ADAMTS7: variants seen among roughly 807,000 people sequenced by gnomAD.
The protein encoded by ADAMTS7 is A disintegrin and metalloproteinase with thrombospondin motifs 7.
In ADAMTS7, 89 loss-of-function variants were observed where a neutral mutation model predicts 172.6. The observed-to-expected ratio is 0.52, with a 90% CI of 0.43 to 0.61. ADAMTS7 has a LOEUF of 0.61. Ranked by LOEUF, ADAMTS7 falls within the 20% of genes least tolerant of loss-of-function variation. The pLI is 0.00. For missense variants in ADAMTS7, 1,973 were observed against 2,355.6 expected (o/e 0.84, Z 3.36); for synonymous variants, 885 against 978.4 (o/e 0.90, Z 1.78).
rs760730710 is a variant in ADAMTS7, at chr15:78,771,651, G to A, written c.2310C>T (p.Tyr770=). 1.4e-5 allele frequency: 23 copies of A among 1,602,132 alleles called. No individual in the cohort carries two copies. The highest frequency in any genetic ancestry group is 2.2e-4 in the Middle Eastern group (1 of 4,540). ...GGTTCTCCCAGTTGCCCCTGCGTGCGTATGTGAAGGTGGTCCCTGCCACCT... is the reference window on the plus strand; with the variant it reads ...GGTTCTCCCAGTTGCCCCTGCGTGCATATGTGAAGGTGGTCCCTGCCACCT... ...DYQVAGTTFT[Y]ARRGNWENLT... The change falls in exon 15 of 24, where the codon TAC becomes TAT. Residue 770 remains tyrosine (Y), a synonymous_variant. Transcript: ENST00000388820. The surrounding 1 kb of genome is among the most constrained non-coding windows in gnomAD (Gnocchi z 4.9).
chr15:78,774,926 C>A, intron 11 of ADAMTS7, 133 bp from the exon 12 acceptor site: 1 of 1,174,866 alleles, frequency 8.5e-7, no homozygotes, highest in East Asian at 2.6e-5. Context: ...GCACGCTGCT[C>A]CCCTCCCTTG....
chr15:78,794,378 C>T, intron 4 of ADAMTS7, among the ~76,000 whole-genome samples: 1 of 152,258 alleles, frequency 6.6e-6, no homozygotes, highest in East Asian at 1.9e-4. Flanking sequence ...CTCCACAGTC[C>T]AGGCTTCCTC....
Position 78,800,429 on chromosome 15 carries a change from A to G in ADAMTS7, c.219T>C (p.Ser73=). The G allele has an allele frequency of 6.2e-7, 1 of 1,610,618 alleles. No individual in the cohort carries two copies. Among genetic ancestry groups the G allele is most frequent in the Non-Finnish European group, 8.5e-7 (1 of 1,178,784 alleles). The change falls in exon 2 of 24, where the codon TCT becomes TCC. Residue 73 remains serine (S), a synonymous_variant. Coordinates refer to ENST00000388820, the MANE Select transcript of ADAMTS7 (RefSeq NM_014272.5). ...AGAAGGCGGGCGCGTCTCGGCGCAC[A>G]GATACATCCCGCTTGCGCAGTGCGC... ...WPRALRKRDV[S]VRRDAPAFYE...
At chr15:78,791,602 C>T (rs1317635865) in intron 4 of ADAMTS7, among the ~76,000 whole-genome samples, 2 of 152,202 alleles carry the variant, frequency 1.3e-5, no homozygotes, top group East Asian at 3.9e-4. Flanking sequence ...CTTGGCCTGT[C>T]GCAGGGCCCT....
In ADAMTS7 at chr15:78,766,549, T is replaced by C. The variant is rs577685274; in HGVS notation, c.3362A>G (p.Glu1121Gly). The C allele has an allele frequency of 1.9e-5, 30 of 1,599,778 alleles. No homozygotes were observed. In the South Asian group the frequency reaches 2.9e-4, roughly 16 times the overall value. Residue 1121 changes from glutamate to glycine, a missense_variant, in exon 19 of 24, where the codon GAG becomes GGG. By Grantham distance (98) the Glu-to-Gly change is moderately conservative. Around this residue, in one of 8 missense-constraint regions of ADAMTS7, gnomAD observed 771 missense variants for 952.6 expected, o/e 0.81. Coordinates refer to ENST00000388820, the MANE Select transcript of ADAMTS7 (RefSeq NM_014272.5). The stretch of plus-strand genomic sequence containing the variant: ...GGACCAAGGTCCCAGTACCCCCTCC[T>C]CCTTGGCTGCAGGAGGCTCTGTGGC... ...VPATEPPAAK[E>G]EGVLGPWSPS...
chr15:78,763,424 T>C (rs868818478), intron 22 of ADAMTS7, among the ~76,000 whole-genome samples: 5 of 152,238 alleles, frequency 3.3e-5, no homozygotes, highest in Non-Finnish European at 7.3e-5. Context: ...CTGATGTCCC[T>C]TCGATCCCTG....
chr15:78,792,655 A>C (rs1342937215), intron 4 of ADAMTS7, among the ~76,000 whole-genome samples: 2 of 152,196 alleles, frequency 1.3e-5, no homozygotes, highest in African/African-American at 4.8e-5. Flanking sequence ...TCTACTAAAA[A>C]TACAAAAATT....
chr15:78,781,158 C>T (rs1161570109), intron 8 of ADAMTS7, among the ~76,000 whole-genome samples: 1 of 152,200 alleles, frequency 6.6e-6, no homozygotes, highest in Non-Finnish European at 1.5e-5. Context: ...TCTGCGACGC[C>T]CCCAAGTCCT....
At chr15:78,798,866 C>A (rs2055681212) in intron 2 of ADAMTS7, among the ~76,000 whole-genome samples, 1 of 152,224 alleles carries the variant, frequency 6.6e-6, no homozygotes, top group African/African-American at 2.4e-5. Flanking sequence ...TTGGGTCACA[C>A]AGGACCAGGG....
At chr15:78,796,529 T>G in intron 4 of ADAMTS7, 61 bp downstream of exon 4, 1 of 1,554,694 alleles carries the variant, frequency 6.4e-7, no homozygotes. Context: ...CTGCACCCAC[T>G]CTTTGCACCC....
In ADAMTS7 at chr15:78,773,007, C is replaced by T; in HGVS notation, c.2131+76G>A. Reference sequence around the variant, plus strand: ...TGGGTGGGGGCCACGAGGCCAAGGACAGGGGCCCAGGGGAGATGGGGAAGG... The same window carrying T: ...TGGGTGGGGGCCACGAGGCCAAGGATAGGGGCCCAGGGGAGATGGGGAAGG... On this transcript the variant is annotated intron_variant, in intron 14 of 23. Coordinates refer to ENST00000388820, the MANE Select transcript of ADAMTS7 (RefSeq NM_014272.5). 5 of 1,450,854 alleles carry T rather than the reference C, an allele frequency of 3.4e-6. No individual in the cohort carries two copies. In the South Asian group the frequency reaches 4.9e-5, roughly 14 times the overall value. The allele number at this position is 1,450,854 out of a possible 1,614,324, so 89.9% of individuals were successfully genotyped here.
chr15:78,765,720 G>T lies in ADAMTS7; in HGVS notation c.4191C>A (p.Ser1397Arg), dbSNP rs753164430. 1.2e-6 allele frequency: 2 copies of T among 1,610,740 alleles called. No individual in the cohort carries two copies. Among genetic ancestry groups the T allele is most frequent in the Middle Eastern group, 2.3e-4 (1 of 4,428 alleles). Residue 1397 changes from serine (S) to arginine (R), a missense_variant, in exon 19 of 24, where the codon AGC becomes AGA. By Grantham distance (110) the Ser-to-Arg change is moderately radical. This residue lies in a region of ADAMTS7 where 771 missense variants were observed against 952.6 expected (regional missense o/e 0.81). Transcript: ENST00000388820. ...RVPETQPLAP[S>R]LAEAGPPADP... ...CCGCGGGGGGCCCCGCTTCAGCCAGGCTGGGAGCCAGCGGCTGGGTCTCAG... is the reference window on the plus strand; with the variant it reads ...CCGCGGGGGGCCCCGCTTCAGCCAGTCTGGGAGCCAGCGGCTGGGTCTCAG...
At position 78,759,428 on chromosome 15, in the gene ADAMTS7, C is replaced by T. The variant is rs770906539; in HGVS notation, c.5054G>A (p.Arg1685His). ...APSRGHQRVA[R>H]R Reference sequence around the variant, plus strand: ...CTGTGCATCCTGGCGCAGTCAGCGGCGGGCAACCCGCTGATGGCCTCGGGA... The same window carrying T: ...CTGTGCATCCTGGCGCAGTCAGCGGTGGGCAACCCGCTGATGGCCTCGGGA... The change falls in exon 24 of 24, where the codon CGC (arginine) becomes CAC (histidine). Residue 1685 changes from arginine to histidine, a missense_variant. Coordinates refer to ENST00000388820, the MANE Select transcript of ADAMTS7 (RefSeq NM_014272.5). The T allele has an allele frequency of 1.6e-5, 25 of 1,592,504 alleles. No homozygotes were observed. Among genetic ancestry groups the T allele is most frequent in the African/African-American group, 1.1e-4 (8 of 74,660 alleles).
At chr15:78,770,033 G>A (rs1567211082) in intron 16 of ADAMTS7, among the ~76,000 whole-genome samples, 2 of 152,164 alleles carry the variant, frequency 1.3e-5, no homozygotes, top group African/African-American at 2.4e-5. Flanking sequence ...ATGGTGGCAC[G>A]TGCCTGTAAA....
At chr15:78,784,112 T>C (rs2141500842) in intron 8 of ADAMTS7, among the ~76,000 whole-genome samples, 1 of 152,170 alleles carries the variant, frequency 6.6e-6, no homozygotes, top group South Asian at 2.1e-4. Context: ...CTCATGACTG[T>C]AATCCCAGAA....
At chr15:78,784,365 A>G (rs1021037353) in intron 8 of ADAMTS7, among the ~76,000 whole-genome samples, 2 of 141,110 alleles carry the variant, frequency 1.4e-5, no homozygotes, top group African/African-American at 5.3e-5. Context: ...ACTCAAAGAA[A>G]GAAAGAAAGA....
Position 78,765,765 on chromosome 15 carries a change from G to A in ADAMTS7, c.4146C>T (p.Pro1382=), listed in dbSNP as rs2055131549. The A allele has an allele frequency of 4.8e-5, 78 of 1,609,694 alleles. No homozygotes were observed. The highest frequency in any genetic ancestry group is 6.3e-5 in the Non-Finnish European group (74 of 1,179,698). ...RLLSTPAWDS[P]ANSHRVPETQ... ...TCTCAGGGACTCTGTGGCTGTTGGC[G>A]GGGCTGTCCCAAGCTGGTGTGGACA... The change falls in exon 19 of 24, where the codon CCC becomes CCT. Residue 1382 remains proline (P), a synonymous_variant. Coordinates refer to ENST00000388820, the MANE Select transcript of ADAMTS7 (RefSeq NM_014272.5).
At position 78,798,002 on chromosome 15, in the gene ADAMTS7, C is replaced by A. The variant is rs2055669385; in HGVS notation, c.568G>T (p.Glu190Ter). The change falls in exon 3 of 24, where the codon GAG (glutamate) becomes TAG (stop). Residue 190 changes from glutamate (E) to a stop codon, truncating the protein, a stop_gained. Coordinates refer to ENST00000388820, the MANE Select transcript of ADAMTS7 (RefSeq NM_014272.5). LOFTEE classifies it high-confidence loss of function. ...GAATCACCCCGCTGTGCCAGCCTCT[C>A]CGGGGCCTGACGCTTGTACACCACA... is the stretch of plus-strand genomic sequence containing the variant. ...PHVVYKRQAPERLAQRGDSSA... is the reference protein window; with the variant it reads ...PHVVYKRQAP The A allele has an allele frequency of 6.3e-7, 1 of 1,588,976 alleles. No individual in the cohort carries two copies. The highest frequency in any genetic ancestry group is 1.1e-5 in the South Asian group (1 of 87,894).
chr15:78,801,356 C>T (rs2141524145), intron 1 of ADAMTS7, among the ~76,000 whole-genome samples: 1 of 152,234 alleles, frequency 6.6e-6, no homozygotes, highest in East Asian at 1.9e-4. Context: ...GCAGTTCCTC[C>T]ACAGGCCAGA....
Sources: gnomAD v4.1 joint callset for allele counts (sites outside exome capture counted in the v4.1 genomes callset) on GRCh38, gnomAD v4.1.1 for gene constraint, gnomAD v4.1.1 regional missense constraint, Gnocchi (gnomAD v3.1) non-coding constraint, MANE v1.5 for transcripts, NCBI Gene and HGNC (gene_info 2026-07-23, HGNC 2026-07-21) for gene names.